MACROD2: variants seen among roughly 807,000 people sequenced by gnomAD.
MACROD2 encodes mono-ADP ribosylhydrolase 2, also known as ADP-ribose glycohydrolase MACROD2.
MACROD2 carries 36 observed loss-of-function variants against 70.4 expected under a neutral mutation model. That is an observed-to-expected ratio of 0.51 (90% CI 0.39 to 0.68). The LOEUF (loss-of-function observed/expected upper bound fraction) is 0.68. Ranked by LOEUF, MACROD2 falls within the 30% of genes least tolerant of loss-of-function variation. The probability of loss-of-function intolerance (pLI) is 0.00; values close to 1 mark genes in which losing one functional copy is unlikely to be tolerated. For missense variants in MACROD2, 496 were observed against 538.4 expected (o/e 0.92, Z 0.78); for synonymous variants, 172 against 178.8 (o/e 0.96, Z 0.30).
chr20:14,480,925 A>G (rs1157664381), intron 3 of MACROD2, among the ~76,000 whole-genome samples: 1 of 152,164 alleles, frequency 6.6e-6, no homozygotes, highest in Non-Finnish European at 1.5e-5. Flanking sequence ...TTTACTATAT[A>G]TTAATAGAAG....
intron 4 of MACROD2, among the ~76,000 whole-genome samples, chr20:14,604,621 C>G (rs1178361664): frequency 1.3e-5 from 2 of 152,174 alleles, no homozygotes; most frequent in Non-Finnish European, 2.9e-5. Flanking sequence ...GGTATTCTCC[C>G]TTTCCTTAAG....
At chr20:15,701,972 A>G (rs2050467160) in intron 8 of MACROD2, among the ~76,000 whole-genome samples, 1 of 152,184 alleles carries the variant, frequency 6.6e-6, no homozygotes, top group South Asian at 2.1e-4. Flanking sequence ...AGCTGCATCC[A>G]TGGTGCTGCA....
At chr20:14,408,366 C>T (rs998823770) in intron 3 of MACROD2, among the ~76,000 whole-genome samples, 4 of 152,128 alleles carry the variant, frequency 2.6e-5, no homozygotes, top group Non-Finnish European at 4.4e-5. Context: ...GCATAACACT[C>T]GCTAACAGAA....
At chr20:14,015,612 A>G (rs374237655) in intron 2 of MACROD2, among the ~76,000 whole-genome samples, 1 of 151,704 alleles carries the variant, frequency 6.6e-6, no homozygotes, top group African/African-American at 2.4e-5. Flanking sequence ...TAAACTTTGT[A>G]CCCATTAAAC....
intron 4 of MACROD2, among the ~76,000 whole-genome samples, chr20:14,622,371 A>C (rs6135211): frequency 0.1 from 15,221 of 152,146 alleles, 1,190 homozygotes; most frequent in South Asian, 0.28. Context: ...TTAAAAAAAA[A>C]TGCTGTGTGC....
intron 5 of MACROD2, among the ~76,000 whole-genome samples, chr20:15,101,409 A>G (rs1310297601): frequency 6.6e-6 from 1 of 151,744 alleles, no homozygotes; most frequent in Non-Finnish European, 1.5e-5. Flanking sequence ...ATGAAAGTTA[A>G]CATGCCATTG....
At chr20:14,217,466 T>A (rs1339900520) in intron 3 of MACROD2, among the ~76,000 whole-genome samples, 1 of 152,152 alleles carries the variant, frequency 6.6e-6, no homozygotes, top group East Asian at 1.9e-4. Context: ...GTCTGTAGTT[T>A]TCTTTTTTTG....
chr20:15,559,011 G>A (rs911297124), intron 8 of MACROD2, among the ~76,000 whole-genome samples: 11 of 151,958 alleles, frequency 7.2e-5, no homozygotes, highest in Admixed American at 3.3e-4. Context: ...GGCGGATCAC[G>A]AGGTCAGGAG....
At chr20:14,669,651 A>T (rs1181702787) in intron 4 of MACROD2, among the ~76,000 whole-genome samples, 1 of 152,136 alleles carries the variant, frequency 6.6e-6, no homozygotes, top group Non-Finnish European at 1.5e-5. Context: ...GCACCTGTTA[A>T]TATTGACCTA....
chr20:14,850,713 G>A (rs1568832404), intron 5 of MACROD2, among the ~76,000 whole-genome samples: 1 of 152,090 alleles, frequency 6.6e-6, no homozygotes, highest in Non-Finnish European at 1.5e-5. Context: ...ACAGCAGAAT[G>A]TGTTTTCTTA....
chr20:15,758,693 C>T (rs1055730851), intron 8 of MACROD2, among the ~76,000 whole-genome samples: 1 of 152,010 alleles, frequency 6.6e-6, no homozygotes, highest in Non-Finnish European at 1.5e-5. Flanking sequence ...GCATGCTCCA[C>T]CACACCCAGC....
chr20:15,785,260 G>A (rs1045190363), intron 8 of MACROD2, among the ~76,000 whole-genome samples: 1 of 151,888 alleles, frequency 6.6e-6, no homozygotes, highest in African/African-American at 2.4e-5. Flanking sequence ...TAGAACACAA[G>A]TTCCAAGCAA....
At chr20:15,417,018 T>G (rs2046161395) in intron 6 of MACROD2, among the ~76,000 whole-genome samples, 1 of 152,190 alleles carries the variant, frequency 6.6e-6, no homozygotes, top group East Asian at 1.9e-4. Flanking sequence ...CCCAGTTTGT[T>G]GAGAGAACAT....
intron 8 of MACROD2, among the ~76,000 whole-genome samples, chr20:15,751,949 A>G (rs766861811): frequency 2.6e-5 from 4 of 151,582 alleles, no homozygotes; most frequent in Non-Finnish European, 4.4e-5. Context: ...TTCCATTTCT[A>G]TTACTCTCCA....
intron 5 of MACROD2, among the ~76,000 whole-genome samples, chr20:15,139,681 C>A (rs990345413): frequency 1.2e-4 from 18 of 152,066 alleles, no homozygotes; most frequent in African/African-American, 4.1e-4. Flanking sequence ...AAAACAATTA[C>A]CCTGAAATTA....
At chr20:14,303,368 G>A (rs2082492955) in intron 3 of MACROD2, among the ~76,000 whole-genome samples, 2 of 152,134 alleles carry the variant, frequency 1.3e-5, no homozygotes, top group Admixed American at 1.3e-4. Flanking sequence ...CTTGTTTTCT[G>A]AGGTGGTAGA....
chr20:14,927,297 A>G (rs575072377), intron 5 of MACROD2, among the ~76,000 whole-genome samples: 23 of 152,334 alleles, frequency 1.5e-4, no homozygotes, highest in Admixed American at 5.2e-4. Context: ...TCTTGGTTGC[A>G]TGCTACAGAA....
At chr20:15,483,592 G>T (rs2327954) in intron 7 of MACROD2, among the ~76,000 whole-genome samples, 5,339 of 152,186 alleles carry the variant, frequency 0.035, 111 homozygotes, top group South Asian at 0.044. Context: ...ATAACTTGCT[G>T]GAATCTGGGT....
chr20:14,272,392 C>G (rs531993004), intron 3 of MACROD2, among the ~76,000 whole-genome samples: 28 of 151,518 alleles, frequency 1.8e-4, no homozygotes, highest in South Asian at 8.4e-4. Flanking sequence ...TCCAGCCAAA[C>G]TAAGCTTCAT....
Sources: allele counts gnomAD v4.1 joint callset (sites outside exome capture counted in the v4.1 genomes callset), GRCh38; gene constraint gnomAD v4.1.1; transcripts MANE v1.5; gene names NCBI Gene and HGNC (gene_info 2026-07-23, HGNC 2026-07-21).